Variants in WDR70 observed in about 807,000 individuals in gnomAD.
WDR70 encodes the protein WD repeat domain 70.
A neutral mutation model predicts 88.6 loss-of-function variants in WDR70; 53 were observed. That is an observed-to-expected ratio of 0.60 (90% CI 0.48 to 0.75). WDR70 has a LOEUF of 0.75. Among genes scored for constraint, WDR70 ranks in the 30% least tolerant of loss-of-function variants. The pLI, the probability that WDR70 is intolerant of heterozygous loss-of-function variation, is 0.00. For synonymous variants in WDR70, 280 were observed against 270.0 expected (o/e 1.04, Z -0.36); for missense variants, 610 against 823.2 (o/e 0.74, Z 3.17).
intron 3 of WDR70, among the ~76,000 whole-genome samples, chr5:37,383,581 A>ATTC: frequency 7.3e-6 from 1 of 136,442 alleles, no homozygotes; most frequent in South Asian, 2.4e-4. Context: ...CATTATTATT[A>ATTC]TTATTGTTAT....
At chr5:37,717,708 TGCTTCCCAGCCCTGCC>T (rs1747690389) in intron 13 of WDR70, among the ~76,000 whole-genome samples, 2 of 152,230 alleles carry the variant, frequency 1.3e-5, no homozygotes, top group African/African-American at 4.8e-5. Flanking sequence ...CAGCTCAGCT[TGCTTCCCAGCCCTGCC>T]GCAGTCTCAG....
At chr5:37,615,257 G>A (rs543731998) in intron 10 of WDR70, among the ~76,000 whole-genome samples, 1 of 152,070 alleles carries the variant, frequency 6.6e-6, no homozygotes, top group East Asian at 1.9e-4. Context: ...TTGGAATTAG[G>A]TAAGAAAGAG....
At chr5:37,601,097 G>A (rs576120347) in intron 9 of WDR70, among the ~76,000 whole-genome samples, 1 of 152,110 alleles carries the variant, frequency 6.6e-6, no homozygotes, top group Non-Finnish European at 1.5e-5. Context: ...TCCTTTTCTT[G>A]ATCTTGGTTT....
chr5:37,483,256 G>A (rs1047333985), intron 8 of WDR70, among the ~76,000 whole-genome samples: 1 of 151,796 alleles, frequency 6.6e-6, no homozygotes, highest in South Asian at 2.1e-4. Flanking sequence ...GCGGCCTTCC[G>A]CAGTGTTTGT....
chr5:37,554,998 T>C lies in WDR70; in HGVS notation c.917+38408T>C, dbSNP rs187653825. On this transcript the variant is annotated intron_variant, in intron 9 of 17. Coordinates refer to ENST00000265107, the MANE Select transcript of WDR70 (RefSeq NM_018034.4). Reference sequence around the variant, plus strand: ...GTAGCCAGCCATCTCTTAGAGTGAATAGTTAGCTACATTTTATTATGATTA... The same window carrying C: ...GTAGCCAGCCATCTCTTAGAGTGAACAGTTAGCTACATTTTATTATGATTA... Among the ~76,000 whole-genome samples the C allele has an allele frequency of 2.3e-3, 357 of 152,364 alleles. 2 individuals carry two copies. Among genetic ancestry groups the C allele is most frequent in the African/African-American group, 8.2e-3 (342 of 41,598 alleles).
chr5:37,506,404 A>G (rs1740562873), intron 8 of WDR70: 8 of 775,576 alleles, frequency 1.0e-5, no homozygotes, highest in South Asian at 6.8e-5. Flanking sequence ...CCATGACACA[A>G]GTAGTTCAAA....
intron 17 of WDR70, among the ~76,000 whole-genome samples, chr5:37,745,373 C>T (rs912375531): frequency 6.7e-6 from 1 of 150,354 alleles, no homozygotes; most frequent in African/African-American, 2.5e-5. Flanking sequence ...ATCTAGTGTG[C>T]AAAGTAACCA....
At chr5:37,417,564 C>T (rs952955750) in intron 5 of WDR70, among the ~76,000 whole-genome samples, 5 of 149,784 alleles carry the variant, frequency 3.3e-5, no homozygotes, top group Admixed American at 6.7e-5. Context: ...TAAGAGACAG[C>T]GTATTGCTCT....
At chr5:37,520,236 A>C (rs1466899037) in intron 9 of WDR70, among the ~76,000 whole-genome samples, 2 of 152,144 alleles carry the variant, frequency 1.3e-5, no homozygotes, top group East Asian at 3.8e-4. Context: ...CCTTGTTAAC[A>C]TTCACAGTTG....
rs756803546 is a variant in WDR70 at position 37,727,019 on chromosome 5, A to G, written c.1851A>G (p.Pro617=). 6.2e-7 allele frequency: 1 copy of G among 1,609,864 alleles called. No homozygotes were observed. Among genetic ancestry groups the G allele is most frequent in the Non-Finnish European group, 8.5e-7 (1 of 1,178,426 alleles). The part of the protein sequence containing the change: ...LRHAKAAEDS[P]YWVSPAYSKT... The stretch of plus-strand genomic sequence containing the variant: ...ATGCCAAAGCAGCAGAAGACAGCCC[A>G]TATTGGGTTTCTCCAGCATATTCCA... The change falls in exon 17 of 18, where the codon CCA becomes CCG. Residue 617 remains proline, a synonymous_variant. Coordinates refer to ENST00000265107, the MANE Select transcript of WDR70 (RefSeq NM_018034.4).
chr5:37,648,752 C>T (rs1486560529), intron 10 of WDR70, among the ~76,000 whole-genome samples: 1 of 151,998 alleles, frequency 6.6e-6, no homozygotes, highest in African/African-American at 2.4e-5. Flanking sequence ...AGTTTGTCTT[C>T]TTTAAGGAAG....
At chr5:37,708,754 A>T (rs1484969455) in intron 13 of WDR70, among the ~76,000 whole-genome samples, 1 of 152,200 alleles carries the variant, frequency 6.6e-6, no homozygotes, top group Non-Finnish European at 1.5e-5. Context: ...GCAGAAAGGT[A>T]ATTCAAATTA....
intron 9 of WDR70, among the ~76,000 whole-genome samples, chr5:37,528,627 A>G (rs940677567): frequency 2.3e-5 from 2 of 87,260 alleles, no homozygotes; most frequent in Admixed American, 1.3e-4. Flanking sequence ...TTAAAGTATA[A>G]TAAAAAAAAA....
intron 5 of WDR70, among the ~76,000 whole-genome samples, chr5:37,435,538 A>G (rs1015062684): frequency 6.6e-6 from 1 of 152,188 alleles, no homozygotes; most frequent in Non-Finnish European, 1.5e-5. Context: ...TAGTAAACAA[A>G]ACAGTAATGT....
chr5:37,505,980 C>A, intron 8 of WDR70: 1 of 1,588,384 alleles, frequency 6.3e-7, no homozygotes. Flanking sequence ...CTCAAAATTA[C>A]ACAGTTTCAG....
At chr5:37,746,928 A>G (rs1312806757) in intron 17 of WDR70, among the ~76,000 whole-genome samples, 1 of 152,206 alleles carries the variant, frequency 6.6e-6, no homozygotes, top group Non-Finnish European at 1.5e-5. Context: ...TGAAGCCAGC[A>G]TCATCTTGAT....
At chr5:37,627,376 T>C (rs1036369996) in intron 10 of WDR70, among the ~76,000 whole-genome samples, 1 of 152,236 alleles carries the variant, frequency 6.6e-6, no homozygotes, top group African/African-American at 2.4e-5. Flanking sequence ...CCCAAAATGC[T>C]GGGATTACAG....
chr5:37,481,553 AG>A (rs1739670428), intron 8 of WDR70, among the ~76,000 whole-genome samples: 1 of 151,894 alleles, frequency 6.6e-6, no homozygotes, highest in Admixed American at 6.6e-5. Context: ...GCTGGGATGT[AG>A]GGCACCAAGT....
chr5:37,699,396 T>TACACACAC (rs1181980288), intron 11 of WDR70, among the ~76,000 whole-genome samples: 190 of 20,126 alleles, frequency 9.4e-3, no homozygotes, highest in East Asian at 0.025. Flanking sequence ...TGTGTGTATA[T>TACACACAC]ATATATACAC....
Sources: allele counts gnomAD v4.1 joint callset (sites outside exome capture counted in the v4.1 genomes callset), GRCh38; gene constraint gnomAD v4.1.1; transcripts MANE v1.5; gene names NCBI Gene and HGNC (gene_info 2026-07-23, HGNC 2026-07-21).